MCTP1: variants seen among roughly 807,000 people sequenced by gnomAD.
The protein encoded by MCTP1 is multiple C2 and transmembrane domain-containing protein 1.
A neutral mutation model predicts 120.6 loss-of-function variants in MCTP1; 69 were observed. The ratio of observed to expected loss-of-function variants is 0.57; its 90% CI spans 0.47 to 0.70. MCTP1 has a LOEUF of 0.70. Ranked by LOEUF, MCTP1 falls within the 30% of genes least tolerant of loss-of-function variation. MCTP1 has a pLI of 0.00. For synonymous variants in MCTP1, 529 were observed against 493.1 expected, an observed-to-expected ratio of 1.07 and a Z score of -0.96; for missense variants, 1,203 against 1,248.8, an observed-to-expected ratio of 0.96 and a Z score of 0.55.
chr5:95,273,742 T>C (rs1193828065), intron 1 of MCTP1, among the ~76,000 whole-genome samples: 1 of 152,202 alleles, frequency 6.6e-6, no homozygotes, highest in Non-Finnish European at 1.5e-5. Flanking sequence ...CCCTCAGCCA[T>C]TCTGCAGAAA....
intron 1 of MCTP1, among the ~76,000 whole-genome samples, chr5:95,109,445 T>C (rs1300459382): frequency 6.6e-6 from 1 of 152,166 alleles, no homozygotes; most frequent in African/African-American, 2.4e-5. Context: ...ACGCTTGATA[T>C]GCTGGCAATT....
At chr5:94,826,239 T>C (rs531531720) in intron 17 of MCTP1, 65 of 440,318 alleles carry the variant, frequency 1.5e-4, no homozygotes, top group Non-Finnish European at 2.5e-4. Context: ...TGCTTGTAGA[T>C]TAGTTCATTT....
intron 1 of MCTP1, among the ~76,000 whole-genome samples, chr5:95,024,297 A>G (rs1011163189): frequency 6.6e-6 from 1 of 152,162 alleles, no homozygotes; most frequent in Non-Finnish European, 1.5e-5. Context: ...ATAAGAGTCT[A>G]AAAACGATAT....
chr5:95,210,863 A>T (rs1033400522), intron 1 of MCTP1, among the ~76,000 whole-genome samples: 3 of 152,030 alleles, frequency 2.0e-5, no homozygotes, highest in African/African-American at 7.2e-5. Context: ...CTTTTAGGGC[A>T]GGCCTAGTGG....
intron 1 of MCTP1, among the ~76,000 whole-genome samples, chr5:95,212,135 A>G (rs1335517625): frequency 6.6e-6 from 1 of 152,152 alleles, no homozygotes; most frequent in Non-Finnish European, 1.5e-5. Flanking sequence ...CTAATAAAGA[A>G]TAAAAGAGAG....
At chr5:94,911,359 C>T (rs1808516303) in intron 9 of MCTP1, among the ~76,000 whole-genome samples, 2 of 152,126 alleles carry the variant, frequency 1.3e-5, no homozygotes, top group Non-Finnish European at 2.9e-5. Flanking sequence ...TGTGTATCCA[C>T]CGAAATCTCA....
At chr5:94,975,881 T>C (rs141488257) in intron 2 of MCTP1, among the ~76,000 whole-genome samples, 89 of 152,280 alleles carry the variant, frequency 5.8e-4, no homozygotes, top group Non-Finnish European at 1.0e-3. Context: ...TTCTTTGCCA[T>C]AGCACTTGTC....
At chr5:95,130,742 C>T (rs10042634) in intron 1 of MCTP1, among the ~76,000 whole-genome samples, 3,706 of 152,184 alleles carry the variant, frequency 0.024, 170 homozygotes, top group African/African-American at 0.084. Context: ...CCCAATCATA[C>T]GGGATTATCA....
intron 1 of MCTP1, among the ~76,000 whole-genome samples, chr5:95,086,979 C>G (rs1755486300): frequency 6.6e-6 from 1 of 152,176 alleles, no homozygotes; most frequent in South Asian, 2.1e-4. Context: ...GTTCACGTTT[C>G]TCTCACTGAA....
chr5:95,240,674 T>C (rs1223097651), intron 1 of MCTP1, among the ~76,000 whole-genome samples: 1 of 152,176 alleles, frequency 6.6e-6, no homozygotes, highest in African/African-American at 2.4e-5. Flanking sequence ...ATCAAATCAG[T>C]GCAGGCTTAT....
At position 95,264,402 on chromosome 5, in the gene MCTP1, G is replaced by A. The variant is rs530730854; in HGVS notation, c.720+19454C>T. On this transcript the variant is annotated intron_variant, in intron 1 of 22. Coordinates refer to ENST00000515393, the MANE Select transcript of MCTP1 (RefSeq NM_024717.7). ...CTTTAAAATTCCATACTCTATGCTCGTTTTATATTAAAAACACAGAAAAAC... is the reference window on the plus strand; with the variant it reads ...CTTTAAAATTCCATACTCTATGCTCATTTTATATTAAAAACACAGAAAAAC... 3.2e-3 allele frequency among the ~76,000 whole-genome samples: 484 copies of A among 152,230 alleles called. 2 individuals are homozygous for A. Among genetic ancestry groups the A allele is most frequent in the African/African-American group, 0.011 (455 of 41,538 alleles).
At chr5:95,132,633 C>T (rs775828325) in intron 1 of MCTP1, among the ~76,000 whole-genome samples, 36 of 152,254 alleles carry the variant, frequency 2.4e-4, no homozygotes, top group African/African-American at 7.7e-4. Flanking sequence ...TTTGGCAAAC[C>T]GCTCTATCCT....
At chr5:95,233,898 G>A (rs1755243570) in intron 1 of MCTP1, among the ~76,000 whole-genome samples, 1 of 151,604 alleles carries the variant, frequency 6.6e-6, no homozygotes, top group Non-Finnish European at 1.5e-5. Context: ...GAGAAGATGG[G>A]AAATTAATAA....
chr5:94,786,026 T>G (rs1777603274), intron 18 of MCTP1, among the ~76,000 whole-genome samples: 1 of 152,238 alleles, frequency 6.6e-6, no homozygotes, highest in African/African-American at 2.4e-5. Context: ...AATACTACAC[T>G]TTGGGAACAT....
intron 4 of MCTP1, among the ~76,000 whole-genome samples, chr5:94,940,563 AAT>A (rs34069333): frequency 3.6e-5 from 5 of 138,428 alleles, no homozygotes; most frequent in Admixed American, 1.4e-4. Context: ...CACACACGCA[AAT>A]ATATATATAT....
At chr5:95,177,758 C>T (rs1191165598) in intron 1 of MCTP1, among the ~76,000 whole-genome samples, 2 of 152,026 alleles carry the variant, frequency 1.3e-5, no homozygotes, top group African/African-American at 2.4e-5. Flanking sequence ...TGACTGGTAA[C>T]CAAAATTGGA....
intron 12 of MCTP1, among the ~76,000 whole-genome samples, chr5:94,884,055 CTT>C (rs1352101184): frequency 6.6e-6 from 1 of 152,110 alleles, no homozygotes; most frequent in African/African-American, 2.4e-5. Flanking sequence ...AAATCCAAAT[CTT>C]TGTATAAAAT....
chr5:94,825,265 C>T (rs985528779), intron 17 of MCTP1, among the ~76,000 whole-genome samples: 6 of 152,116 alleles, frequency 3.9e-5, no homozygotes, highest in African/African-American at 1.4e-4. Context: ...TTTCAAAGAA[C>T]TTATTTATTT....
chr5:95,044,678 C>T (rs1842875417), intron 1 of MCTP1, among the ~76,000 whole-genome samples: 1 of 152,046 alleles, frequency 6.6e-6, no homozygotes, highest in African/African-American at 2.4e-5. Context: ...AAGCATTCCC[C>T]AGCCATTCAG....
Sources: gnomAD v4.1 joint callset for allele counts (sites outside exome capture counted in the v4.1 genomes callset) on GRCh38, gnomAD v4.1.1 for gene constraint, MANE v1.5 for transcripts, NCBI Gene and HGNC (gene_info 2026-07-23, HGNC 2026-07-21) for gene names.